RIN3: variants seen among roughly 807,000 people sequenced by gnomAD.
RIN3 encodes the protein Ras and Rab interactor 3, also known as RAB5 interacting protein 3.
RIN3 carries 54 observed loss-of-function variants against 76.3 expected under a neutral mutation model. That is an observed-to-expected ratio of 0.71 (90% confidence interval 0.57 to 0.89). The LOEUF is 0.89. Among genes scored for constraint, RIN3 ranks in the 40% least tolerant of loss-of-function variants. The pLI, the probability that RIN3 is intolerant of heterozygous loss-of-function variation, is 0.00. For synonymous variants in RIN3, 576 were observed against 564.0 expected (o/e 1.02, Z -0.30); for missense variants, 1,256 against 1,322.1 (o/e 0.95, Z 0.78).
intron 8 of RIN3, among the ~76,000 whole-genome samples, chr14:92,679,558 A>G (rs970747353): frequency 2.4e-4 from 37 of 152,084 alleles, no homozygotes; most frequent in African/African-American, 8.7e-4. Flanking sequence ...TGGACACTTC[A>G]TCTCAATGGA....
intron 2 of RIN3, among the ~76,000 whole-genome samples, chr14:92,558,823 T>G (rs1316986811): frequency 3.9e-5 from 6 of 151,926 alleles, no homozygotes; most frequent in African/African-American, 1.5e-4. Flanking sequence ...TCAAAGGCTG[T>G]GGGGTGTGAG....
intron 1 of RIN3, among the ~76,000 whole-genome samples, chr14:92,527,209 C>T (rs1174458123): frequency 6.6e-6 from 1 of 152,016 alleles, no homozygotes; most frequent in African/African-American, 2.4e-5. Context: ...CGCCACCACG[C>T]CCGGCTAATT....
chr14:92,598,616 G>A (rs190688850), intron 3 of RIN3, among the ~76,000 whole-genome samples: 312 of 152,302 alleles, frequency 2.0e-3, no homozygotes, highest in African/African-American at 7.2e-3. Context: ...CAAGTGGTGG[G>A]AACAGGATTT....
At chr14:92,625,930 G>T (rs1376962669) in intron 4 of RIN3, among the ~76,000 whole-genome samples, 1 of 152,094 alleles carries the variant, frequency 6.6e-6, no homozygotes, top group Admixed American at 6.5e-5. Context: ...TCTAGTTTCT[G>T]CAACTTCTTT....
chr14:92,554,849 G>A (rs1897533908), intron 1 of RIN3, among the ~76,000 whole-genome samples: 1 of 152,214 alleles, frequency 6.6e-6, no homozygotes, highest in African/African-American at 2.4e-5. Context: ...CTTGAACCCA[G>A]GAGGCGGAGG....
intron 1 of RIN3, among the ~76,000 whole-genome samples, chr14:92,546,582 A>G (rs1897270707): frequency 6.6e-6 from 1 of 152,228 alleles, no homozygotes; most frequent in East Asian, 1.9e-4. Context: ...AGCAGTGGCC[A>G]TCTGTAAACA....
At position 92,545,952 on chromosome 14, in the gene RIN3, G is replaced by T. The variant is rs868101691; in HGVS notation, c.45-9799G>T. Among the ~76,000 whole-genome samples, 8 of 150,464 alleles carry T rather than the reference G, an allele frequency of 5.3e-5. No individual in the cohort carries two copies. In the South Asian group the frequency reaches 6.3e-4, roughly 12 times the overall value. ...TTTCTTTGTTTTTTTTTGAGACGTAGTCTTGCTTTGTCCCCCAGGCCGGAG... is the reference window on the plus strand; with the variant it reads ...TTTCTTTGTTTTTTTTTGAGACGTATTCTTGCTTTGTCCCCCAGGCCGGAG... On this transcript the variant is annotated intron_variant, in intron 1 of 9. Transcript: ENST00000216487.
chr14:92,615,970 C>T (rs891504094), intron 4 of RIN3: 11 of 155,928 alleles, frequency 7.1e-5, no homozygotes, highest in Admixed American at 7.0e-4. Context: ...CACTTTGGTG[C>T]CATAAGTCAA....
intron 1 of RIN3, among the ~76,000 whole-genome samples, chr14:92,545,582 C>CTTTTT (rs11324822): frequency 3.5e-5 from 4 of 114,704 alleles, no homozygotes; most frequent in Admixed American, 2.0e-4. Flanking sequence ...TTTTCTTTTT[C>CTTTTT]TTTTTTTTTT....
At chr14:92,636,200 T>C (rs904832794) in intron 4 of RIN3, among the ~76,000 whole-genome samples, 18 of 151,730 alleles carry the variant, frequency 1.2e-4, no homozygotes, top group African/African-American at 3.2e-4. Flanking sequence ...ATGGTTAGCA[T>C]TGATGAAAGA....
In RIN3 at chr14:92,561,044, A is replaced by ATAT. The variant is rs1410361225; in HGVS notation, c.249+5089_249+5090insTAT. 2.0e-4 allele frequency among the ~76,000 whole-genome samples: 5 copies of ATAT among 24,404 alleles called. 1 individual carries two copies. The highest frequency in any genetic ancestry group is 4.1e-3 in the South Asian group (2 of 490). 16.0% of individuals were successfully genotyped at this position (24,404 alleles called of 152,430 possible). ...CTAAAAAAAAAAAAAAAAAAAAAAA[A>ATAT]ATATATATATATCTGCCATATATAT... is the stretch of plus-strand genomic sequence containing the variant. On this transcript the variant is annotated intron_variant, in intron 2 of 9. Transcript: ENST00000216487.
intron 1 of RIN3, among the ~76,000 whole-genome samples, chr14:92,532,362 GC>G (rs1209788024): frequency 6.6e-6 from 1 of 152,122 alleles, no homozygotes; most frequent in African/African-American, 2.4e-5. Context: ...ACCCAGAGCT[GC>G]CCAGGATGAG....
chr14:92,613,502 A>T (rs950246892), intron 3 of RIN3, among the ~76,000 whole-genome samples: 1 of 152,220 alleles, frequency 6.6e-6, no homozygotes, highest in Non-Finnish European at 1.5e-5. Flanking sequence ...ACAGTGTTTG[A>T]TATGCAGAAA....
chr14:92,663,541 G>C lies in RIN3; in HGVS notation c.2335+4072G>C, dbSNP rs1887964313. On this transcript the variant is annotated intron_variant, in intron 7 of 9. Transcript: ENST00000216487. ...GCCAGGGTCTCCCCCAGAAACCAGT[G>C]GGTTTCTTATCAAGGAACAGAAAGA... Among the ~76,000 whole-genome samples the C allele has an allele frequency of 3.3e-5, 5 of 152,306 alleles. No homozygotes were observed. In the South Asian group the frequency reaches 1.0e-3, roughly 32 times the overall value.
At chr14:92,532,319 G>T (rs1896901879) in intron 1 of RIN3, among the ~76,000 whole-genome samples, 1 of 152,152 alleles carries the variant, frequency 6.6e-6, no homozygotes, top group African/African-American at 2.4e-5. Context: ...ATAGACCCCA[G>T]ATAACTTTCC....
At chr14:92,599,663 G>A (rs889674209) in intron 3 of RIN3, among the ~76,000 whole-genome samples, 12 of 152,156 alleles carry the variant, frequency 7.9e-5, no homozygotes, top group Non-Finnish European at 1.5e-4. Context: ...TCTCTGGAGG[G>A]AAGGAAGAGT....
chr14:92,528,532 C>A (rs1896805968), intron 1 of RIN3, among the ~76,000 whole-genome samples: 1 of 152,010 alleles, frequency 6.6e-6, no homozygotes, highest in South Asian at 2.1e-4. Flanking sequence ...TGGTTCCACA[C>A]CCCCTTGTCC....
In RIN3 at chr14:92,529,632, G is replaced by A. The variant is rs531430303; in HGVS notation, c.44+15656G>A. Among the ~76,000 whole-genome samples the A allele has an allele frequency of 1.1e-4, 16 of 152,310 alleles. No homozygotes were observed. In the East Asian group the frequency reaches 2.7e-3, roughly 26 times the overall value. On this transcript the variant is annotated intron_variant, in intron 1 of 9. Coordinates refer to ENST00000216487, the MANE Select transcript of RIN3 (RefSeq NM_024832.5). Reference sequence around the variant, plus strand: ...GTCCGGCGGGCACATTCCCAGCTGAGGTTGAACAGGGCGACACTCTGTTTC... The same window carrying A: ...GTCCGGCGGGCACATTCCCAGCTGAAGTTGAACAGGGCGACACTCTGTTTC...
rs1428443718 is a variant in RIN3 at position 92,648,957 on chromosome 14, T to C, written c.533-2625T>C. Among the ~76,000 whole-genome samples, 4 of 151,994 alleles carry C rather than the reference T, an allele frequency of 2.6e-5. No homozygotes were observed. Among genetic ancestry groups the C allele is most frequent in the Admixed American group, 1.3e-4 (2 of 15,264 alleles). ...AATAGCATTAGCCAAGACCTGCTGGTGGGGCAGCGCATGGCACGTGGAGGA... is the reference window on the plus strand; with the variant it reads ...AATAGCATTAGCCAAGACCTGCTGGCGGGGCAGCGCATGGCACGTGGAGGA... On this transcript the variant is annotated intron_variant, in intron 5 of 9. Coordinates refer to ENST00000216487, the MANE Select transcript of RIN3 (RefSeq NM_024832.5). The surrounding 1 kb of genome is among the most constrained non-coding windows in gnomAD (Gnocchi z 4.1).
Sources: gnomAD v4.1 joint callset for allele counts (sites outside exome capture counted in the v4.1 genomes callset) on GRCh38, gnomAD v4.1.1 for gene constraint, Gnocchi (gnomAD v3.1) non-coding constraint, MANE v1.5 for transcripts, NCBI Gene and HGNC (gene_info 2026-07-23, HGNC 2026-07-21) for gene names.